Variants in PPARGC1A observed in about 807,000 individuals in gnomAD.
PPARGC1A encodes the protein peroxisome proliferator-activated receptor gamma coactivator 1-alpha.
PPARGC1A carries 25 observed loss-of-function variants against 88.7 expected under a neutral mutation model. The ratio of observed to expected loss-of-function variants is 0.28; its 90% CI spans 0.21 to 0.39. The LOEUF is 0.39. Among genes scored for constraint, PPARGC1A ranks in the 10% least tolerant of loss-of-function variants. The probability of loss-of-function intolerance (pLI) is 1.00; values close to 1 mark genes in which losing one functional copy is unlikely to be tolerated. For synonymous variants in PPARGC1A, 363 were observed against 355.6 expected, an observed-to-expected ratio of 1.02 and a Z score of -0.24; for missense variants, 880 against 968.7, an observed-to-expected ratio of 0.91 and a Z score of 1.22.
the PPARGC1A span, among the ~76,000 whole-genome samples, chr4:24,072,299 A>C: frequency 6.6e-6 from 1 of 151,688 alleles, no homozygotes; most frequent in East Asian, 1.9e-4. Flanking sequence ...AAAATTTAGA[A>C]TACTTCCAAT....
chr4:24,203,047 G>A, the PPARGC1A span, among the ~76,000 whole-genome samples: 1 of 152,158 alleles, frequency 6.6e-6, no homozygotes, highest in Non-Finnish European at 1.5e-5. Context: ...ACTTACAGGA[G>A]CAGTTAGGGA....
At chr4:23,837,586 T>C (rs1726256483) in intron 2 of PPARGC1A, among the ~76,000 whole-genome samples, 1 of 152,120 alleles carries the variant, frequency 6.6e-6, no homozygotes, top group South Asian at 2.1e-4. Context: ...CCTTGCCCCA[T>C]CCTGCTGACT....
the PPARGC1A span, among the ~76,000 whole-genome samples, chr4:24,430,967 C>T: frequency 6.6e-6 from 1 of 151,456 alleles, no homozygotes; most frequent in African/African-American, 2.4e-5. Flanking sequence ...AAAAAAAATA[C>T]CAAAAAAGTA....
At chr4:23,836,611 A>C (rs1726064613) in intron 2 of PPARGC1A, among the ~76,000 whole-genome samples, 1 of 152,232 alleles carries the variant, frequency 6.6e-6, no homozygotes, top group African/African-American at 2.4e-5. Flanking sequence ...GAGAAGGTTT[A>C]TCTCTGCTCT....
At chr4:23,992,720 G>T in the PPARGC1A span, among the ~76,000 whole-genome samples, 1 of 151,998 alleles carries the variant, frequency 6.6e-6, no homozygotes, top group African/African-American at 2.4e-5. Flanking sequence ...ATACCCACTT[G>T]TATCAAAATC....
At chr4:24,375,922 G>A in the PPARGC1A span, among the ~76,000 whole-genome samples, 5 of 151,916 alleles carry the variant, frequency 3.3e-5, no homozygotes, top group East Asian at 5.8e-4. Flanking sequence ...GGCAGAACAG[G>A]CCCACAGTGA....
At chr4:24,446,576 A>T in the PPARGC1A span, among the ~76,000 whole-genome samples, 1 of 151,858 alleles carries the variant, frequency 6.6e-6, no homozygotes, top group South Asian at 2.1e-4. Flanking sequence ...GAGCAGGTGA[A>T]GTGGAAAACA....
the PPARGC1A span, among the ~76,000 whole-genome samples, chr4:24,042,973 G>A: frequency 5.9e-5 from 9 of 152,192 alleles, no homozygotes; most frequent in African/African-American, 1.7e-4. Flanking sequence ...CTCATTAACA[G>A]CAGTAATCAG....
chr4:24,217,054 G>A, the PPARGC1A span, among the ~76,000 whole-genome samples: 8 of 152,262 alleles, frequency 5.3e-5, no homozygotes, highest in South Asian at 4.1e-4. Flanking sequence ...AGCAGACTCC[G>A]GAATGACGGC....
chr4:24,139,702 T>C, the PPARGC1A span, among the ~76,000 whole-genome samples: 1 of 152,128 alleles, frequency 6.6e-6, no homozygotes, highest in Non-Finnish European at 1.5e-5. Flanking sequence ...ATCCTGTGCG[T>C]GCCCTTGTAT....
At chr4:24,443,756 A>G in the PPARGC1A span, among the ~76,000 whole-genome samples, 5 of 135,430 alleles carry the variant, frequency 3.7e-5, no homozygotes, top group East Asian at 1.1e-3. Flanking sequence ...GGGTTTTACT[A>G]TGTTGGCCAG....
chr4:23,950,619 G>A, the PPARGC1A span, among the ~76,000 whole-genome samples: 65 of 152,172 alleles, frequency 4.3e-4, no homozygotes, highest in African/African-American at 1.5e-3. Flanking sequence ...ATCTTTGCTT[G>A]CCATAAGTTA....
the PPARGC1A span, among the ~76,000 whole-genome samples, chr4:24,129,508 A>G: frequency 1.3e-5 from 2 of 152,210 alleles, no homozygotes; most frequent in East Asian, 1.9e-4. Flanking sequence ...AACATAGTAC[A>G]TTGGAAAGAA....
At chr4:24,115,718 G>C in the PPARGC1A span, among the ~76,000 whole-genome samples, 1 of 152,062 alleles carries the variant, frequency 6.6e-6, no homozygotes, top group Non-Finnish European at 1.5e-5. Context: ...TTTTAATGCT[G>C]ACAAAGTATT....
the PPARGC1A span, among the ~76,000 whole-genome samples, chr4:24,230,486 G>T: frequency 1.3e-5 from 2 of 152,092 alleles, no homozygotes; most frequent in Non-Finnish European, 2.9e-5. Flanking sequence ...TAAACTTTTC[G>T]CTGGTTCCTG....
chr4:23,913,257 TATATATATATAGAGAGAGAGAG>T, the PPARGC1A span, among the ~76,000 whole-genome samples: 481 of 46,088 alleles, frequency 0.01, 6 homozygotes, highest in African/African-American at 0.036. Flanking sequence ...TATATATATA[TATATATATATAGAGAGAGAGAG>T]AGAGAGAGAG....
At chr4:24,340,864 C>T in the PPARGC1A span, among the ~76,000 whole-genome samples, 958 of 152,222 alleles carry the variant, frequency 6.3e-3, 21 homozygotes, top group African/African-American at 0.022. Context: ...CTCATCCACC[C>T]GCCACTCCCA....
At chr4:23,986,158 AT>A in the PPARGC1A span, among the ~76,000 whole-genome samples, 1 of 152,022 alleles carries the variant, frequency 6.6e-6, no homozygotes, top group African/African-American at 2.4e-5. Context: ...AAATTAGAAA[AT>A]TTCTAGTAAA....
chr4:23,964,054 T>C, the PPARGC1A span, among the ~76,000 whole-genome samples: 1 of 152,172 alleles, frequency 6.6e-6, no homozygotes, highest in Non-Finnish European at 1.5e-5. Context: ...GGAGATTCTA[T>C]GAGATTAATG....
Sources: gnomAD v4.1 joint callset for allele counts (sites outside exome capture counted in the v4.1 genomes callset) on GRCh38, gnomAD v4.1.1 for gene constraint, MANE v1.5 for transcripts, NCBI Gene and HGNC (gene_info 2026-07-23, HGNC 2026-07-21) for gene names.